The following MACROD2 variants were observed in gnomAD, a reference collection of about 807,000 sequenced individuals.
MACROD2 encodes the protein mono-ADP ribosylhydrolase 2, also known as ADP-ribose glycohydrolase MACROD2.
MACROD2 carries 36 observed loss-of-function variants against 70.4 expected under a neutral mutation model. The ratio of observed to expected loss-of-function variants is 0.51; its 90% CI spans 0.39 to 0.68. The LOEUF (loss-of-function observed/expected upper bound fraction) is 0.68. MACROD2 is among the 30% of genes least tolerant of loss of function. The pLI is 0.00. For missense variants in MACROD2, 496 were observed against 538.4 expected, an observed-to-expected ratio of 0.92 and a Z score of 0.78; for synonymous variants, 172 against 178.8, an observed-to-expected ratio of 0.96 and a Z score of 0.30.
intron 5 of MACROD2, among the ~76,000 whole-genome samples, chr20:15,228,472 C>A (rs77039745): frequency 7.0e-6 from 1 of 143,070 alleles, no homozygotes; most frequent in Non-Finnish European, 1.5e-5. Context: ...TTTTTCTTTT[C>A]TTTTTTCCTT....
chr20:14,027,473 A>G (rs2053186883), intron 2 of MACROD2, among the ~76,000 whole-genome samples: 1 of 151,732 alleles, frequency 6.6e-6, no homozygotes, highest in Admixed American at 6.6e-5. Flanking sequence ...AATTTGTCAA[A>G]CTCATTCTCT....
intron 7 of MACROD2, among the ~76,000 whole-genome samples, chr20:15,495,316 T>G (rs1008717129): frequency 6.6e-6 from 1 of 152,248 alleles, no homozygotes. Flanking sequence ...CTGAACATCA[T>G]GCTTTACCTT....
chr20:15,053,711 AG>A (rs2075460974), intron 5 of MACROD2, among the ~76,000 whole-genome samples: 2 of 152,198 alleles, frequency 1.3e-5, no homozygotes, highest in Admixed American at 1.3e-4. Context: ...TGGATCAAGG[AG>A]TAAGTATGAC....
chr20:15,088,450 T>A (rs56964792), intron 5 of MACROD2, among the ~76,000 whole-genome samples: 2,925 of 81,418 alleles, frequency 0.036, 99 homozygotes, highest in South Asian at 0.13. Context: ...TATATATATA[T>A]AATATTTTGT....
chr20:15,291,641 G>A (rs750881830), intron 6 of MACROD2, among the ~76,000 whole-genome samples: 17 of 152,192 alleles, frequency 1.1e-4, no homozygotes, highest in Middle Eastern at 6.8e-3. Flanking sequence ...TGGTTAGACT[G>A]TCTTTTGCAG....
chr20:15,354,631 T>G (rs1005912217), intron 6 of MACROD2, among the ~76,000 whole-genome samples: 1 of 151,630 alleles, frequency 6.6e-6, no homozygotes, highest in African/African-American at 2.4e-5. Flanking sequence ...TCCTAGGAAC[T>G]TAAATGTAAA....
At chr20:14,460,847 T>C (rs979853580) in intron 3 of MACROD2, among the ~76,000 whole-genome samples, 1 of 152,110 alleles carries the variant, frequency 6.6e-6, no homozygotes, top group South Asian at 2.1e-4. Context: ...GATTTTTGCA[T>C]TGATGTTCAT....
chr20:14,923,782 G>T (rs892859568), intron 5 of MACROD2, among the ~76,000 whole-genome samples: 1 of 145,452 alleles, frequency 6.9e-6, no homozygotes, highest in Admixed American at 6.9e-5. Context: ...CTAGGCTGGC[G>T]GTGCGTTGGG....
At chr20:14,822,921 A>G (rs1354376242) in intron 5 of MACROD2, among the ~76,000 whole-genome samples, 2 of 152,120 alleles carry the variant, frequency 1.3e-5, no homozygotes, top group Admixed American at 6.6e-5. Flanking sequence ...TCATTTGATT[A>G]CATTTAGGCA....
At position 14,915,049 on chromosome 20, in the gene MACROD2, A is replaced by G. The variant is rs77909797; in HGVS notation, c.418+230090A>G. ...TAAGGCACACATGGTTGGATTAAAAATATTGTGTTTTTAAGATCTCTTTCT... is the reference window on the plus strand; with the variant it reads ...TAAGGCACACATGGTTGGATTAAAAGTATTGTGTTTTTAAGATCTCTTTCT... On this transcript the variant is annotated intron_variant, in intron 5 of 17. Coordinates refer to ENST00000684519, the MANE Select transcript of MACROD2 (RefSeq NM_001351661.2). Among the ~76,000 whole-genome samples, 792 of 152,314 alleles carry G rather than the reference A, an allele frequency of 5.2e-3. 10 individuals are homozygous for G. Among genetic ancestry groups the G allele is most frequent in the African/African-American group, 0.018 (752 of 41,564 alleles).
intron 3 of MACROD2, among the ~76,000 whole-genome samples, chr20:14,088,278 C>T (rs945603006): frequency 3.6e-5 from 5 of 140,500 alleles, no homozygotes; most frequent in Admixed American, 2.3e-4. Flanking sequence ...TGCAGTGAGT[C>T]GAGATCGTGC....
At chr20:15,972,205 A>G (rs1249431268) in intron 13 of MACROD2, among the ~76,000 whole-genome samples, 1 of 152,198 alleles carries the variant, frequency 6.6e-6, no homozygotes, top group Non-Finnish European at 1.5e-5. Context: ...GGAAAAAAAA[A>G]GAGCATCCAT....
At chr20:15,687,495 G>A (rs960611618) in intron 8 of MACROD2, among the ~76,000 whole-genome samples, 1 of 144,578 alleles carries the variant, frequency 6.9e-6, no homozygotes, top group Non-Finnish European at 1.5e-5. Flanking sequence ...TTCTGACATT[G>A]GTTGTCCTTT....
intron 9 of MACROD2, among the ~76,000 whole-genome samples, chr20:15,881,252 G>C (rs2064751020): frequency 6.6e-6 from 1 of 152,106 alleles, no homozygotes; most frequent in Non-Finnish European, 1.5e-5. Flanking sequence ...TATTGCAGTA[G>C]AGAAAGAGTT....
intron 3 of MACROD2, among the ~76,000 whole-genome samples, chr20:14,157,651 C>T (rs1392822140): frequency 1.3e-5 from 2 of 152,104 alleles, no homozygotes; most frequent in Non-Finnish European, 2.9e-5. Flanking sequence ...AATTTTTTAG[C>T]TCCCACATAT....
At chr20:15,880,818 G>A (rs1034657309) in intron 9 of MACROD2, among the ~76,000 whole-genome samples, 17 of 152,076 alleles carry the variant, frequency 1.1e-4, no homozygotes, top group African/African-American at 3.9e-4. Flanking sequence ...AATTGTCAAG[G>A]AACAAGGAGT....
At chr20:14,497,606 T>A (rs2084868821) in intron 4 of MACROD2, among the ~76,000 whole-genome samples, 2 of 151,636 alleles carry the variant, frequency 1.3e-5, no homozygotes, top group African/African-American at 4.9e-5. Context: ...CCAAGCAGGA[T>A]GTTGTTTATG....
intron 6 of MACROD2, among the ~76,000 whole-genome samples, chr20:15,365,025 C>T (rs2045388454): frequency 6.6e-6 from 1 of 152,204 alleles, no homozygotes; most frequent in Non-Finnish European, 1.5e-5. Flanking sequence ...AGAACTTCAA[C>T]AGTGCATTTG....
intron 3 of MACROD2, among the ~76,000 whole-genome samples, chr20:14,374,721 C>T (rs748047428): frequency 3.3e-5 from 5 of 152,006 alleles, no homozygotes; most frequent in South Asian, 2.1e-4. Flanking sequence ...CTTTTCTGCA[C>T]GTCTGTGTTT....
Sources: allele counts gnomAD v4.1 joint callset (sites outside exome capture counted in the v4.1 genomes callset), GRCh38; gene constraint gnomAD v4.1.1; transcripts MANE v1.5; gene names NCBI Gene and HGNC (gene_info 2026-07-23, HGNC 2026-07-21).